The following GKAP1 variants were observed in gnomAD, a reference collection of about 807,000 sequenced individuals.
GKAP1 encodes the protein G kinase anchoring protein 1, also known as G kinase-anchoring protein 1.
In GKAP1, 31 loss-of-function variants were observed where a neutral mutation model predicts 56.7. The ratio of observed to expected loss-of-function variants is 0.55; its 90% CI spans 0.41 to 0.74. The LOEUF is 0.74. Among genes scored for constraint, GKAP1 ranks in the 30% least tolerant of loss-of-function variants. GKAP1 has a pLI of 0.00. For synonymous variants in GKAP1, 151 were observed against 138.6 expected (o/e 1.09, Z -0.63); for missense variants, 364 against 402.3 (o/e 0.90, Z 0.82).
In GKAP1 at chr9:83,751,622, AT is replaced by A. The variant is rs796120477; in HGVS notation, c.840+1635del. ...AACCATCAGGGCTGGAACTTGATTTATTTTTTTTCACTACCACATACACAGG... is the reference window on the plus strand; with the variant it reads ...AACCATCAGGGCTGGAACTTGATTTATTTTTTTCACTACCACATACACAGG... On this transcript the variant is annotated intron_variant, in intron 9 of 12. Transcript: ENST00000376371. 1.4e-4 allele frequency among the ~76,000 whole-genome samples: 21 copies of A among 151,986 alleles called. 1 individual carries two copies. Among genetic ancestry groups the A allele is most frequent in the South Asian group, 6.2e-4 (3 of 4,820 alleles).
chr9:83,810,048 G>T (rs1258259697), intron 2 of GKAP1, among the ~76,000 whole-genome samples: 1 of 152,190 alleles, frequency 6.6e-6, no homozygotes, highest in Non-Finnish European at 1.5e-5. Context: ...CTGGGCTCAA[G>T]TGATCCTACC....
At chr9:83,760,800 G>A (rs988982977) in intron 8 of GKAP1, among the ~76,000 whole-genome samples, 13 of 151,956 alleles carry the variant, frequency 8.6e-5, no homozygotes, top group Non-Finnish European at 1.3e-4. Context: ...GAAGGAAACT[G>A]AAAAATTTCT....
intron 8 of GKAP1, among the ~76,000 whole-genome samples, chr9:83,756,744 A>G (rs1165972386): frequency 1.3e-5 from 2 of 152,172 alleles, no homozygotes; most frequent in Non-Finnish European, 2.9e-5. Flanking sequence ...TAATAATCAA[A>G]TGAGATCATG....
intron 3 of GKAP1, among the ~76,000 whole-genome samples, chr9:83,800,543 A>C (rs1467814769): frequency 6.6e-6 from 1 of 152,144 alleles, no homozygotes; most frequent in East Asian, 1.9e-4. Flanking sequence ...CATGTTGGCC[A>C]GGCTGGTCTT....
At chr9:83,814,620 G>A (rs1211183687) in intron 2 of GKAP1, among the ~76,000 whole-genome samples, 2 of 152,212 alleles carry the variant, frequency 1.3e-5, no homozygotes, top group African/African-American at 4.8e-5. Flanking sequence ...CTGGCACATA[G>A]AAGACACATT....
At chr9:83,763,520 T>C (rs1005489018) in intron 8 of GKAP1, among the ~76,000 whole-genome samples, 21 of 152,210 alleles carry the variant, frequency 1.4e-4, no homozygotes, top group Admixed American at 1.1e-3. Flanking sequence ...AAACATCTCT[T>C]GGAACCCATA....
chr9:83,788,688 A>G lies in GKAP1; in HGVS notation c.361-10T>C, dbSNP rs1419035940. 1 of 1,593,514 alleles carries G rather than the reference A, an allele frequency of 6.3e-7. No individual in the cohort carries two copies. The highest frequency in any genetic ancestry group is 8.6e-7 in the Non-Finnish European group (1 of 1,166,376). On this transcript the variant is annotated splice_polypyrimidine_tract_variant and intron_variant, in intron 4 of 12. Transcript: ENST00000376371. ...ACATTTCAGATGTCAGCTACAAAAA[A>G]AAAGTTTCACAATAAACAGACAGTA...
intron 2 of GKAP1, among the ~76,000 whole-genome samples, chr9:83,807,159 G>T (rs1944451888): frequency 6.6e-6 from 1 of 152,152 alleles, no homozygotes; most frequent in East Asian, 1.9e-4. Flanking sequence ...GCAAGCATAG[G>T]TCAGTGTAGC....
intron 11 of GKAP1, among the ~76,000 whole-genome samples, chr9:83,742,306 T>G (rs1943221612): frequency 6.6e-6 from 1 of 152,136 alleles, no homozygotes; most frequent in South Asian, 2.1e-4. Context: ...AATTCATGGT[T>G]CATTAAAATA....
At chr9:83,809,080 A>C (rs1225392170) in intron 2 of GKAP1, among the ~76,000 whole-genome samples, 3 of 152,226 alleles carry the variant, frequency 2.0e-5, no homozygotes, top group Non-Finnish European at 2.9e-5. Context: ...CCTTATCAAG[A>C]CTTACACCTT....
At chr9:83,778,443 A>C (rs1943898360) in intron 7 of GKAP1, among the ~76,000 whole-genome samples, 2 of 152,202 alleles carry the variant, frequency 1.3e-5, no homozygotes, top group South Asian at 4.1e-4. Flanking sequence ...ACTAATGCAG[A>C]AACAAAAACC....
chr9:83,805,674 T>C (rs1298859742), intron 3 of GKAP1, among the ~76,000 whole-genome samples: 1 of 152,198 alleles, frequency 6.6e-6, no homozygotes, highest in Non-Finnish European at 1.5e-5. Context: ...TTCATATAAA[T>C]TTATATATGT....
chr9:83,784,605 A>T, intron 6 of GKAP1, 110 bp downstream of exon 6: 1 of 790,552 alleles, frequency 1.3e-6, no homozygotes, highest in Non-Finnish European at 1.9e-6. Context: ...TCTACATGAT[A>T]CATGAATAAC....
At chr9:83,772,960 A>ACT (rs1266792408) in intron 7 of GKAP1, among the ~76,000 whole-genome samples, 1 of 152,276 alleles carries the variant, frequency 6.6e-6, no homozygotes, top group Non-Finnish European at 1.5e-5. Context: ...AGGAGCTAGA[A>ACT]CTCTCATATA....
At chr9:83,816,783 A>G (rs529373904) in intron 2 of GKAP1, among the ~76,000 whole-genome samples, 1 of 152,344 alleles carries the variant, frequency 6.6e-6, no homozygotes, top group Non-Finnish European at 1.5e-5. Context: ...GCGAAGGTAA[A>G]GAGTGAAAAA....
At chr9:83,770,626 G>A (rs1018128632) in intron 7 of GKAP1, among the ~76,000 whole-genome samples, 4 of 151,770 alleles carry the variant, frequency 2.6e-5, no homozygotes, top group East Asian at 1.9e-4. Flanking sequence ...GCAAGATCTC[G>A]GCTCACTGCA....
intron 5 of GKAP1, among the ~76,000 whole-genome samples, chr9:83,785,255 C>A (rs549658856): frequency 5.9e-5 from 9 of 152,114 alleles, no homozygotes; most frequent in South Asian, 2.1e-4. Context: ...TTTCTTAATA[C>A]ATTTCTGACT....
intron 8 of GKAP1, 78 bp from the exon 9 acceptor site, chr9:83,753,437 TTA>T (rs1943426240): frequency 1.0e-6 from 1 of 969,292 alleles, no homozygotes; most frequent in South Asian, 1.4e-5. Flanking sequence ...TGTGAAAAGT[TTA>T]AGAGGAAAAA....
rs1943656091 is a variant in GKAP1 at position 83,765,929 on chromosome 9, G to A, written c.738+2889C>T. ...TAATCGTGGAATGAGTTAAGACTTTGGAAGACTGTTGGGAAGGCATGATTG... is the reference window on the plus strand; with the variant it reads ...TAATCGTGGAATGAGTTAAGACTTTAGAAGACTGTTGGGAAGGCATGATTG... On this transcript the variant is annotated intron_variant, in intron 8 of 12. Transcript: ENST00000376371. Among the ~76,000 whole-genome samples, 3 of 152,146 alleles carry A rather than the reference G, an allele frequency of 2.0e-5. No individual in the cohort carries two copies. In the South Asian group the frequency reaches 6.2e-4, roughly 32 times the overall value.
Sources: gnomAD v4.1 joint callset for allele counts (sites outside exome capture counted in the v4.1 genomes callset) on GRCh38, gnomAD v4.1.1 for gene constraint, MANE v1.5 for transcripts, NCBI Gene and HGNC (gene_info 2026-07-23, HGNC 2026-07-21) for gene names.